The following PLEKHO1 variants were observed in gnomAD, a reference collection of about 807,000 sequenced individuals.
The protein encoded by PLEKHO1 is pleckstrin homology domain containing O1, also known as pleckstrin homology domain-containing family O member 1.
In PLEKHO1, 22 loss-of-function variants were observed where a neutral mutation model predicts 41.4. The observed-to-expected ratio is 0.53, with a 90% confidence interval of 0.38 to 0.76. PLEKHO1 has a LOEUF of 0.76. Ranked by LOEUF, PLEKHO1 falls within the 30% of genes least tolerant of loss-of-function variation. The pLI is 0.00. For missense variants in PLEKHO1, 488 were observed against 518.3 expected (o/e 0.94, Z 0.57); for synonymous variants, 225 against 210.8 (o/e 1.07, Z -0.58).
chr1:150,159,414 A>G lies in PLEKHO1; in HGVS notation c.1121A>G (p.Gln374Arg), dbSNP rs1211840687. The change falls in exon 6 of 6, where the codon CAG (glutamine) becomes CGG (arginine). Residue 374 changes from glutamine to arginine, a missense_variant. Gln to Arg is a conservative substitution (Grantham distance 43). This residue lies in a region of PLEKHO1 where 337 missense variants were observed against 324.6 expected (regional missense o/e 1.04). Transcript: ENST00000369124. ...SNWSQAKRVL[Q>R]EVRELRDLYR... ...TGGAGCCAGGCAAAGAGGGTGCTGC[A>G]GGAGGTCAGGGAGCTGAGAGACCTG... 5.0e-6 allele frequency: 8 copies of G among 1,614,004 alleles called. No homozygotes were observed. The highest frequency in any genetic ancestry group is 6.8e-6 in the Non-Finnish European group (8 of 1,180,020).
At chr1:150,152,488 G>C (rs950580870) in intron 2 of PLEKHO1, among the ~76,000 whole-genome samples, 4 of 152,012 alleles carry the variant, frequency 2.6e-5, no homozygotes, top group Non-Finnish European at 5.9e-5. Context: ...TTTTTGTAGA[G>C]ACAGTGTTTC....
In PLEKHO1 at chr1:150,159,416, G is replaced by A. The variant is rs782621874; in HGVS notation, c.1123G>A (p.Glu375Lys). Residue 375 changes from glutamate (E) to lysine (K), a missense_variant, in exon 6 of 6, where the codon GAG becomes AAG. Glu to Lys is a moderately conservative substitution (Grantham distance 56, BLOSUM62 1). Around this residue, in one of 3 missense-constraint regions of PLEKHO1, gnomAD observed 337 missense variants for 324.6 expected, o/e 1.04. Coordinates refer to ENST00000369124, the MANE Select transcript of PLEKHO1 (RefSeq NM_016274.6). ...NWSQAKRVLQ[E>K]VRELRDLYRQ... Reference sequence around the variant, plus strand: ...GAGCCAGGCAAAGAGGGTGCTGCAGGAGGTCAGGGAGCTGAGAGACCTGTA... The same window carrying A: ...GAGCCAGGCAAAGAGGGTGCTGCAGAAGGTCAGGGAGCTGAGAGACCTGTA... 2 of 1,614,164 alleles carry A rather than the reference G, an allele frequency of 1.2e-6. No individual in the cohort carries two copies. Among genetic ancestry groups the A allele is most frequent in the Admixed American group, 3.3e-5 (2 of 60,016 alleles).
chr1:150,159,698 C>T lies in PLEKHO1; in HGVS notation c.*175C>T, dbSNP rs60527237. The T allele has an allele frequency of 9.4e-3, 5,113 of 542,412 alleles. 233 individuals are homozygous for T. Among genetic ancestry groups the T allele is most frequent in the African/African-American group, 0.086 (4,587 of 53,184 alleles). 33.6% of individuals were successfully genotyped at this position (542,412 alleles called of 1,614,324 possible). Reference sequence around the variant, plus strand: ...TGCCCCACCTACTTTCCATATGCCCCTCGTATGCCCCTCAGGTTTGAGGAA... The same window carrying T: ...TGCCCCACCTACTTTCCATATGCCCTTCGTATGCCCCTCAGGTTTGAGGAA... On this transcript the variant is annotated 3_prime_UTR_variant, in exon 6 of 6. Transcript: ENST00000369124.
chr1:150,151,229 C>G (rs587655969), intron 2 of PLEKHO1, among the ~76,000 whole-genome samples, 171 bp downstream of exon 2: 48 of 152,184 alleles, frequency 3.2e-4, no homozygotes, highest in African/African-American at 8.9e-4. Flanking sequence ...ATGAGAAGAC[C>G]AGAGTGAGAA....
chr1:150,153,234 C>T lies in PLEKHO1; in HGVS notation c.177+2176C>T, dbSNP rs371041060. On this transcript the variant is annotated intron_variant, in intron 2 of 5. Coordinates refer to ENST00000369124, the MANE Select transcript of PLEKHO1 (RefSeq NM_016274.6). ...ACAGGGTCTCACTCTGTCGCCCACGCTGGAGTGCAGTGTCACAATCGTAGC... is the reference window on the plus strand; with the variant it reads ...ACAGGGTCTCACTCTGTCGCCCACGTTGGAGTGCAGTGTCACAATCGTAGC... Among the ~76,000 whole-genome samples, 8 of 152,340 alleles carry T rather than the reference C, an allele frequency of 5.3e-5. No homozygotes were observed. In the South Asian group the frequency reaches 1.2e-3, roughly 24 times the overall value.
chr1:150,150,378 C>CG (rs1233743763), intron 1 of PLEKHO1, 91 bp downstream of exon 1: 15 of 550,152 alleles, frequency 2.7e-5, no homozygotes, highest in Non-Finnish European at 3.0e-5. Flanking sequence ...GGGAGACCCA[C>CG]GGCCCGGCCG....
At chr1:150,153,065 T>G (rs1553819493) in intron 2 of PLEKHO1, 1 of 152,230 alleles carries the variant, frequency 6.6e-6, no homozygotes, top group South Asian at 2.1e-4. Context: ...CTGTGCTTTT[T>G]TAGAGCCAGT....
intron 4 of PLEKHO1, 139 bp from the exon 5 acceptor site, chr1:150,157,246 G>C (rs1462737210): frequency 1.3e-6 from 1 of 759,758 alleles, no homozygotes; most frequent in Non-Finnish European, 2.3e-6. Flanking sequence ...TCAGCTTAAA[G>C]AGCCCCCTTC....
Position 150,159,587 on chromosome 1 carries a change from AGCTTTT to A in PLEKHO1, c.*65_*70del. 8.9e-7 allele frequency: 1 copy of A among 1,121,182 alleles called. No individual in the cohort carries two copies. Among genetic ancestry groups the A allele is most frequent in the Non-Finnish European group, 1.3e-6 (1 of 796,400 alleles). The allele number at this position is 1,121,182 out of a possible 1,614,324, so 69.5% of individuals were successfully genotyped here. A position where few individuals can be genotyped will look rare whatever the true frequency, so the allele number is the denominator to read the frequency against. The stretch of plus-strand genomic sequence containing the variant: ...CTCTTATCTCCGTGTTGCTGGATAA[AGCTTTT>A]TTATTTACCTCAATCAAAAAAAGAA... On this transcript the variant is annotated 3_prime_UTR_variant, in exon 6 of 6. Coordinates refer to ENST00000369124, the MANE Select transcript of PLEKHO1 (RefSeq NM_016274.6).
chr1:150,150,315 G>A (rs1238141642), intron 1 of PLEKHO1, 28 bp downstream of exon 1: 2 of 1,051,970 alleles, frequency 1.9e-6, no homozygotes, highest in Non-Finnish European at 1.2e-6. Context: ...CCCTGCGGCC[G>A]CCGCCGCCTC....
Position 150,150,983 on chromosome 1 carries a change from A to G in PLEKHO1, c.102A>G (p.Lys34=). ...GCTGGGTCCGGAAATTCTGCGGGAA[A>G]GGGATTTTCAGGGAGATTTGGAAAA... The part of the protein sequence containing the change: ...KVGWVRKFCG[K]GIFREIWKNR... Residue 34 remains lysine (K), a synonymous_variant, in exon 2 of 6, where the codon AAA becomes AAG. Coordinates refer to ENST00000369124, the MANE Select transcript of PLEKHO1 (RefSeq NM_016274.6). 1 of 1,614,180 alleles carries G rather than the reference A, an allele frequency of 6.2e-7. No homozygotes were observed. Among genetic ancestry groups the G allele is most frequent in the Non-Finnish European group, 8.5e-7 (1 of 1,179,998 alleles).
chr1:150,156,254 A>T (rs782109954), intron 3 of PLEKHO1, 48 bp downstream of exon 3: 2 of 1,532,906 alleles, frequency 1.3e-6, no homozygotes, highest in Non-Finnish European at 1.8e-6. Flanking sequence ...ACAGGGTTGG[A>T]GGGGGCAGGG....
chr1:150,152,873 G>A (rs1186845945), intron 2 of PLEKHO1: 1 of 152,084 alleles, frequency 6.6e-6, no homozygotes, highest in Non-Finnish European at 1.5e-5. Context: ...TGCCCAAAGA[G>A]CAGAGTCTGG....
In PLEKHO1 at chr1:150,159,098, T is replaced by C. The variant is rs376121154; in HGVS notation, c.805T>C (p.Cys269Arg). ...KKLTPTEKGRCASLEEILSQR... is the reference protein window; with the variant it reads ...KKLTPTEKGRRASLEEILSQR... ...GTTGACGCCCACAGAGAAAGGCCGC[T>C]GCGCCTCCCTGGAGGAGATCCTATC... The change falls in exon 6 of 6, where the codon TGC becomes CGC. Residue 269 changes from cysteine (C) to arginine (R), a missense_variant. Around this residue, in one of 3 missense-constraint regions of PLEKHO1, gnomAD observed 337 missense variants for 324.6 expected, o/e 1.04. Coordinates refer to ENST00000369124, the MANE Select transcript of PLEKHO1 (RefSeq NM_016274.6). 2 of 1,612,394 alleles carry C rather than the reference T, an allele frequency of 1.2e-6. No homozygotes were observed. The highest frequency in any genetic ancestry group is 1.7e-6 in the Non-Finnish European group (2 of 1,179,496).
At chr1:150,157,714 C>T (rs1368735133) in intron 5 of PLEKHO1, among the ~76,000 whole-genome samples, 4 of 152,178 alleles carry the variant, frequency 2.6e-5, no homozygotes, top group African/African-American at 4.8e-5. Flanking sequence ...TACCCTCTTT[C>T]GGAGAAAATG....
chr1:150,158,915 C>A lies in PLEKHO1; in HGVS notation c.622C>A (p.Arg208=), dbSNP rs782338607. 1 of 1,614,122 alleles carries A rather than the reference C, an allele frequency of 6.2e-7. No homozygotes were observed. Among genetic ancestry groups the A allele is most frequent in the Non-Finnish European group, 8.5e-7 (1 of 1,180,002 alleles). The change falls in exon 6 of 6, where the codon CGG becomes AGG. Residue 208 remains arginine, a synonymous_variant. Coordinates refer to ENST00000369124, the MANE Select transcript of PLEKHO1 (RefSeq NM_016274.6). The stretch of plus-strand genomic sequence containing the variant: ...ACCAACCTCTTGTGCTGAGAGCTTT[C>A]GGGTTGACCTGGACAAGTCTGTGGC... ...EEPTSCAESF[R]VDLDKSVAQL...
chr1:150,156,588 C>T (rs1329180189), intron 3 of PLEKHO1, among the ~76,000 whole-genome samples: 6 of 152,214 alleles, frequency 3.9e-5, no homozygotes, highest in Non-Finnish European at 7.3e-5. Context: ...ATTCCTGTCA[C>T]ATTCTATTTC....
In PLEKHO1 at chr1:150,158,831, A is replaced by T. The variant is rs782311608; in HGVS notation, c.538A>T (p.Thr180Ser). The T allele has an allele frequency of 1.1e-4, 180 of 1,603,272 alleles. 1 individual carries two copies. Among genetic ancestry groups the T allele is most frequent in the Non-Finnish European group, 1.5e-4 (175 of 1,171,648 alleles). Residue 180 changes from threonine to serine, a missense_variant, in exon 6 of 6, where the codon ACC (threonine) becomes TCC (serine). Physicochemically the swap from Thr to Ser is moderately conservative, Grantham distance 58. Transcript: ENST00000369124. ...GHLMAVASTS[T>S]SDGMLTLDLI... Reference sequence around the variant, plus strand: ...CCTTCCTCCACAGGCTTCCACCTCTACCTCGGATGGGATGCTGACCTTGGA... The same window carrying T: ...CCTTCCTCCACAGGCTTCCACCTCTTCCTCGGATGGGATGCTGACCTTGGA...
intron 2 of PLEKHO1, among the ~76,000 whole-genome samples, 155 bp downstream of exon 2, chr1:150,151,213 C>G (rs1452650805): frequency 2.0e-5 from 3 of 152,070 alleles, no homozygotes; most frequent in African/African-American, 7.2e-5. Context: ...GAAAGGCCAC[C>G]CTTTAATGAG....
Sources: allele counts gnomAD v4.1 joint callset (sites outside exome capture counted in the v4.1 genomes callset), GRCh38; gene constraint gnomAD v4.1.1; regional missense constraint gnomAD v4.1.1; transcripts MANE v1.5; gene names NCBI Gene and HGNC (gene_info 2026-07-23, HGNC 2026-07-21).